Variants in WDR35 observed in about 807,000 individuals in gnomAD.
WDR35 encodes the protein WD repeat-containing protein 35.
A neutral mutation model predicts 158.3 loss-of-function variants in WDR35; 118 were observed. That is an observed-to-expected ratio of 0.75 (90% CI 0.64 to 0.87). WDR35 has a LOEUF of 0.87. Among genes scored for constraint, WDR35 ranks in the 40% least tolerant of loss-of-function variants. WDR35 has a pLI of 0.00. For synonymous variants in WDR35, 448 were observed against 476.1 expected (o/e 0.94, Z 0.77); for missense variants, 1,263 against 1,405.8 (o/e 0.90, Z 1.62).
chr2:19,914,224 G>C lies in WDR35; in HGVS notation c.3175C>G (p.Leu1059Val), dbSNP rs1669926878. The C allele has an allele frequency of 6.2e-7, 1 of 1,614,044 alleles. No homozygotes were observed. Among genetic ancestry groups the C allele is most frequent in the Non-Finnish European group, 8.5e-7 (1 of 1,180,016 alleles). Residue 1059 changes from leucine (L) to valine (V), a missense_variant, in exon 26 of 27, where the codon CTG (leucine) becomes GTG (valine). By Grantham distance (32) the Leu-to-Val change is conservative (BLOSUM62 1). Coordinates refer to ENST00000281405, the MANE Select transcript of WDR35 (RefSeq NM_020779.4). ...CTGGCGCATGCGCAGAGTGCTAGCA[G>C]AGAGTAGATCTCCACAGGAGGGATG... ...DIIPPVEIYS[L>V]LALCACASRA...
rs564162032 is a variant in WDR35 at position 19,960,023 on chromosome 2, A to G, written c.1255+531T>C. ...AATCTAAAGTAACAAAAGTCCTTTG[A>G]AAACAAAAAGTCAGGAATTTTTAAA... On this transcript the variant is annotated intron_variant, in intron 11 of 26. Coordinates refer to ENST00000281405, the MANE Select transcript of WDR35 (RefSeq NM_020779.4). Among the ~76,000 whole-genome samples the G allele has an allele frequency of 3.3e-5, 5 of 152,180 alleles. No individual in the cohort carries two copies. The South Asian group carries it at 6.2e-4, about 19-fold the overall frequency.
intron 16 of WDR35, among the ~76,000 whole-genome samples, chr2:19,944,629 A>C (rs189388451): frequency 6.4e-4 from 98 of 152,292 alleles, no homozygotes; most frequent in African/African-American, 2.1e-3. Context: ...TACAGGTCAA[A>C]TGCAGCAGCC....
intron 2 of WDR35, among the ~76,000 whole-genome samples, chr2:19,986,965 A>T (rs1672584542): frequency 6.6e-6 from 1 of 152,270 alleles, no homozygotes; most frequent in African/African-American, 2.4e-5. Flanking sequence ...TTGGATACAA[A>T]GATACAGTTG....
chr2:19,969,380 G>A, intron 9 of WDR35, 100 bp downstream of exon 9: 1 of 1,310,448 alleles, frequency 7.6e-7, no homozygotes, highest in Admixed American at 2.4e-5. Context: ...CTTCCTTTCT[G>A]CTAGCTCCTA....
chr2:19,985,367 C>T (rs1248094740), intron 2 of WDR35, among the ~76,000 whole-genome samples: 1 of 85,368 alleles, frequency 1.2e-5, no homozygotes, highest in Non-Finnish European at 2.5e-5. Context: ...GGACCGTCAT[C>T]CTCAAACCCT....
At chr2:19,939,625 A>G (rs1186811906) in intron 17 of WDR35, among the ~76,000 whole-genome samples, 1 of 152,200 alleles carries the variant, frequency 6.6e-6, no homozygotes, top group African/African-American at 2.4e-5. Context: ...ATTTCCATAT[A>G]TAACTTGCAG....
At chr2:19,942,549 T>A (rs1309564399) in intron 16 of WDR35, among the ~76,000 whole-genome samples, 3 of 118,718 alleles carry the variant, frequency 2.5e-5, no homozygotes, top group East Asian at 5.6e-4. Flanking sequence ...TCATTAGAAA[T>A]TTTTTTTTTA....
At chr2:19,962,644 G>A (rs1558347919) in intron 10 of WDR35, among the ~76,000 whole-genome samples, 1 of 151,100 alleles carries the variant, frequency 6.6e-6, no homozygotes, top group Non-Finnish European at 1.5e-5. Context: ...TCTTTTTTCA[G>A]CATTCGATTA....
At chr2:19,936,183 C>T in intron 20 of WDR35, 36 bp downstream of exon 20, 1 of 1,613,352 alleles carries the variant, frequency 6.2e-7, no homozygotes, top group Non-Finnish European at 8.5e-7. Flanking sequence ...CTAAGTGTTG[C>T]ATGAATGCTT....
intron 10 of WDR35, among the ~76,000 whole-genome samples, chr2:19,965,290 T>C (rs1309462805): frequency 6.6e-6 from 1 of 152,186 alleles, no homozygotes; most frequent in Non-Finnish European, 1.5e-5. Flanking sequence ...CTTTTCCACT[T>C]GTGTTTAGAT....
Position 19,937,858 on chromosome 2 carries a change from T to G in WDR35, c.2152A>C (p.Lys718Gln). ...AGTTTGCCCAAGCGCTTCACAAACT[T>G]AATGCCTTGGTAATCTTTGCAGCGC... Reference protein sequence around the residue: ...FVRCKDYQGIKFVKRLGKLLS... With the variant: ...FVRCKDYQGIQFVKRLGKLLS... The change falls in exon 19 of 27, where the codon AAG becomes CAG. Residue 718 changes from lysine to glutamine, a missense_variant. Lys to Gln is a moderately conservative substitution (Grantham distance 53, BLOSUM62 1). Transcript: ENST00000281405. 1 of 1,614,158 alleles carries G rather than the reference T, an allele frequency of 6.2e-7. No homozygotes were observed. Among genetic ancestry groups the G allele is most frequent in the Non-Finnish European group, 8.5e-7 (1 of 1,180,016 alleles).
intron 17 of WDR35, among the ~76,000 whole-genome samples, chr2:19,938,949 G>A (rs1236707214): frequency 1.3e-5 from 2 of 152,070 alleles, no homozygotes; most frequent in Admixed American, 6.5e-5. Context: ...TTAATTAATA[G>A]TTGCTGAATT....
intron 2 of WDR35, among the ~76,000 whole-genome samples, chr2:19,986,925 G>T (rs35425971): frequency 0.25 from 38,629 of 152,088 alleles, 4,968 homozygotes; most frequent in African/African-American, 0.25. Flanking sequence ...GAGATTTATC[G>T]TAGAAAGTAT....
chr2:19,938,276 G>T lies in WDR35; in HGVS notation c.2052C>A (p.His684Gln), dbSNP rs201913623. Reference protein sequence around the residue: ...DASQFIEDNPHPRLWRLLAEA... With the variant: ...DASQFIEDNPQPRLWRLLAEA... ...CTTTTTTTAAATACCAAAGTCGGGG[G>T]TGTGGATTGTCCTCTATGAACTGAG... Residue 684 changes from histidine to glutamine, a missense_variant, in exon 18 of 27, where the codon CAC (histidine) becomes CAA (glutamine). Transcript: ENST00000281405. 1.2e-6 allele frequency: 2 copies of T among 1,614,032 alleles called. No homozygotes were observed. The highest frequency in any genetic ancestry group is 1.7e-6 in the Non-Finnish European group (2 of 1,180,004).
At chr2:19,988,941 T>C (rs1672655985) in intron 2 of WDR35, among the ~76,000 whole-genome samples, 2 of 152,228 alleles carry the variant, frequency 1.3e-5, no homozygotes, top group South Asian at 4.1e-4. Context: ...TCTTCATTAT[T>C]TTTCATTTTC....
intron 17 of WDR35, among the ~76,000 whole-genome samples, chr2:19,938,974 C>A (rs938611804): frequency 6.6e-6 from 1 of 152,178 alleles, no homozygotes; most frequent in Non-Finnish European, 1.5e-5. Context: ...AATAGATGAA[C>A]TTTAGGTAAA....
chr2:19,914,785 T>C (rs1669943158), intron 25 of WDR35, among the ~76,000 whole-genome samples: 2 of 152,214 alleles, frequency 1.3e-5, no homozygotes, highest in South Asian at 2.1e-4. Context: ...CTTTTGTCAT[T>C]TGTCTCACTG....
Position 19,974,482 on chromosome 2 carries a change from T to C in WDR35, c.722A>G (p.His241Arg), listed in dbSNP as rs138366348. ...AAATTCCTTACTTTGGTCATTCTCATGTCTCATTATTTGGCATCTTCCATT... is the reference window on the plus strand; with the variant it reads ...AAATTCCTTACTTTGGTCATTCTCACGTCTCATTATTTGGCATCTTCCATT... Reference protein sequence around the residue: ...FDNGRCQIMRHENDQNPVLID... With the variant: ...FDNGRCQIMRRENDQNPVLID... The change falls in exon 7 of 27, where the codon CAT becomes CGT. Residue 241 changes from histidine to arginine, a missense_variant. Transcript: ENST00000281405. 21 of 1,608,844 alleles carry C rather than the reference T, an allele frequency of 1.3e-5. No homozygotes were observed. Among genetic ancestry groups the C allele is most frequent in the Non-Finnish European group, 1.5e-5 (18 of 1,177,682 alleles).
chr2:19,955,802 G>T (rs749129829), intron 11 of WDR35, among the ~76,000 whole-genome samples: 28 of 152,244 alleles, frequency 1.8e-4, no homozygotes, highest in African/African-American at 6.5e-4. Flanking sequence ...ACTGAACAAA[G>T]AATTAGAAAC....
Sources: allele counts gnomAD v4.1 joint callset (sites outside exome capture counted in the v4.1 genomes callset), GRCh38; gene constraint gnomAD v4.1.1; transcripts MANE v1.5; gene names NCBI Gene and HGNC (gene_info 2026-07-23, HGNC 2026-07-21).